SLC36A2: variants seen among roughly 807,000 people sequenced by gnomAD.
The protein encoded by SLC36A2 is solute carrier family 36 member 2, also known as proton-coupled amino acid transporter 2.
Under a neutral mutation model 42.7 loss-of-function variants are expected in SLC36A2, and 39 were observed. The observed-to-expected ratio is 0.91, with a 90% confidence interval of 0.71 to 1.19. The LOEUF is 1.19. Among genes scored for constraint, SLC36A2 ranks in the 50% most tolerant of loss-of-function variants. The pLI, the probability that SLC36A2 is intolerant of heterozygous loss-of-function variation, is 0.00. For missense variants in SLC36A2, 590 were observed against 613.7 expected (o/e 0.96, Z 0.41); for synonymous variants, 237 against 240.8 (o/e 0.98, Z 0.15).
At chr5:151,339,493 A>G (rs1028886628) in intron 4 of SLC36A2, among the ~76,000 whole-genome samples, 3 of 152,126 alleles carry the variant, frequency 2.0e-5, no homozygotes, top group African/African-American at 7.2e-5. Flanking sequence ...TATTTTTGGT[A>G]GAGACAAGGT....
intron 6 of SLC36A2, among the ~76,000 whole-genome samples, chr5:151,334,437 C>T (rs1231972120): frequency 6.6e-6 from 1 of 151,604 alleles, no homozygotes; most frequent in East Asian, 1.9e-4. Flanking sequence ...TGCCTGTAAT[C>T]TCAGCACTTT....
chr5:151,337,510 TAATAAATGCAGATGATA>T (rs1453599092), intron 5 of SLC36A2, among the ~76,000 whole-genome samples: 4 of 152,198 alleles, frequency 2.6e-5, no homozygotes, highest in Admixed American at 1.3e-4. Context: ...TTTGCCTTGA[TAATAAATGCAGATGATA>T]AATAAATGCA....
At position 151,316,889 on chromosome 5, in the gene SLC36A2, G is replaced by T. The variant is rs150719926; in HGVS notation, c.1380C>A (p.Tyr460Ter). 1 of 1,614,048 alleles carries T rather than the reference G, an allele frequency of 6.2e-7. No homozygotes were observed. The highest frequency in any genetic ancestry group is 8.5e-7 in the Non-Finnish European group (1 of 1,180,022). The change falls in exon 10 of 10, where the codon TAC becomes TAA. Residue 460 changes from tyrosine to a stop codon, truncating the protein, a stop_gained. Transcript: ENST00000335244. LOFTEE classifies it low-confidence loss of function (END_TRUNC). The part of the protein sequence containing the change: ...LGFVGFVVGT[Y>*]QALDELLKSE... Reference sequence around the variant, plus strand: ...ACTTGAGCAGCTCGTCCAGGGCCTGGTAGGTCCCCACCACAAAGCCCACGA... The same window carrying T: ...ACTTGAGCAGCTCGTCCAGGGCCTGTTAGGTCCCCACCACAAAGCCCACGA...
At chr5:151,323,094 G>A (rs1755742915) in intron 8 of SLC36A2, among the ~76,000 whole-genome samples, 2 of 152,054 alleles carry the variant, frequency 1.3e-5, no homozygotes, top group African/African-American at 2.4e-5. Context: ...AATTACCCAC[G>A]TGTGGTGGTG....
In SLC36A2 at chr5:151,325,355, G is replaced by T. The variant is rs766086527; in HGVS notation, c.941C>A (p.Ala314Glu). The T allele has an allele frequency of 2.5e-6, 4 of 1,614,118 alleles. No homozygotes were observed. The highest frequency in any genetic ancestry group is 2.5e-6 in the Non-Finnish European group (3 of 1,180,020). The change falls in exon 8 of 10, where the codon GCG becomes GAG. Residue 314 changes from alanine to glutamate, a missense_variant. Ala to Glu is a moderately radical substitution (Grantham distance 107, BLOSUM62 -1). Coordinates refer to ENST00000335244, the MANE Select transcript of SLC36A2 (RefSeq NM_181776.3). ...TCCAAACCGCAGGTAGCCCAGAGCC[G>T]CCATGCCAATGTATAGGGAAGTGAC... ...SIVTSLYIGMAALGYLRFGDD... is the reference protein window; with the variant it reads ...SIVTSLYIGMEALGYLRFGDD...
At chr5:151,340,199 G>A (rs1395017939) in intron 4 of SLC36A2, among the ~76,000 whole-genome samples, 1 of 136,892 alleles carries the variant, frequency 7.3e-6, no homozygotes, top group African/African-American at 2.8e-5. Flanking sequence ...GGTGGAGGAG[G>A]AGGAGAGGAG....
intron 7 of SLC36A2, among the ~76,000 whole-genome samples, chr5:151,330,553 T>C (rs2127292313): frequency 6.6e-6 from 1 of 152,344 alleles, no homozygotes; most frequent in East Asian, 1.9e-4. Context: ...TTAATGAAGG[T>C]TCTTCATGCT....
chr5:151,335,568 GCAA>G, intron 5 of SLC36A2, 21 bp from the exon 6 acceptor site: 8 of 1,542,788 alleles, frequency 5.2e-6, no homozygotes. Context: ...AATGGGAGAG[GCAA>G]AAGGGGGAGA....
At chr5:151,322,449 A>G (rs1197142049) in intron 8 of SLC36A2, among the ~76,000 whole-genome samples, 2 of 152,242 alleles carry the variant, frequency 1.3e-5, no homozygotes, top group African/African-American at 4.8e-5. Context: ...TAAATGAAAT[A>G]AAAACCATCT....
At chr5:151,333,346 A>G in intron 6 of SLC36A2, 24 bp from the exon 7 acceptor site, 1 of 1,593,528 alleles carries the variant, frequency 6.3e-7, no homozygotes, top group Non-Finnish European at 8.6e-7. Context: ...AAATGCTATG[A>G]GACAGTCACT....
At chr5:151,339,180 TATAAA>T (rs1756248086) in intron 4 of SLC36A2, 36 bp from the exon 5 acceptor site, 3 of 1,524,990 alleles carry the variant, frequency 2.0e-6, no homozygotes, top group Non-Finnish European at 2.7e-6. Flanking sequence ...GAAAACTTGT[TATAAA>T]ATAAGTCAAC....
rs566703708 is a variant in SLC36A2, at chr5:151,334,082, C to T, written c.745-760G>A. Among the ~76,000 whole-genome samples, 10 of 152,124 alleles carry T rather than the reference C, an allele frequency of 6.6e-5. No homozygotes were observed. The South Asian group carries it at 2.1e-3, about 32-fold the overall frequency. On this transcript the variant is annotated intron_variant, in intron 6 of 9. Coordinates refer to ENST00000335244, the MANE Select transcript of SLC36A2 (RefSeq NM_181776.3). The stretch of plus-strand genomic sequence containing the variant: ...TGTGTAGAATAAATATTCTATATAC[C>T]TTGTGACCCAGAATGTGAAAATGAT...
At chr5:151,328,768 T>C (rs1580850624) in intron 7 of SLC36A2, among the ~76,000 whole-genome samples, 1 of 152,106 alleles carries the variant, frequency 6.6e-6, no homozygotes, top group Non-Finnish European at 1.5e-5. Flanking sequence ...AAATGCAGGG[T>C]TCCTTGGTGA....
At chr5:151,333,902 C>T (rs187163999) in intron 6 of SLC36A2, among the ~76,000 whole-genome samples, 20 of 152,274 alleles carry the variant, frequency 1.3e-4, no homozygotes, top group African/African-American at 3.8e-4. Context: ...ACTGACCCAA[C>T]GAGCCCACGA....
At chr5:151,333,676 A>G (rs1290391309) in intron 6 of SLC36A2, among the ~76,000 whole-genome samples, 1 of 152,188 alleles carries the variant, frequency 6.6e-6, no homozygotes, top group African/African-American at 2.4e-5. Context: ...AGCCTGGCCA[A>G]CATGGTGAAA....
chr5:151,333,156 C>G, intron 7 of SLC36A2, 68 bp downstream of exon 7: 1 of 1,386,936 alleles, frequency 7.2e-7, no homozygotes, highest in Non-Finnish European at 1.0e-6. Context: ...AAACCCAGAG[C>G]TCACAGTTCC....
chr5:151,331,620 G>A (rs932706458), intron 7 of SLC36A2, among the ~76,000 whole-genome samples: 1 of 151,918 alleles, frequency 6.6e-6, no homozygotes, highest in Non-Finnish European at 1.5e-5. Flanking sequence ...ATCTAGACAT[G>A]ACCCTAGATT....
chr5:151,340,110 G>A (rs1236915712), intron 4 of SLC36A2, among the ~76,000 whole-genome samples: 1 of 131,818 alleles, frequency 7.6e-6, no homozygotes, highest in Admixed American at 6.8e-5. Flanking sequence ...AGAAGGAGGA[G>A]GAAGAAGAGG....
At position 151,315,703 on chromosome 5, in the gene SLC36A2, C is replaced by G. The variant is rs1278500303; in HGVS notation, c.*1114G>C. The G allele has an allele frequency of 1.3e-5, 2 of 152,214 alleles. No homozygotes were observed. The highest frequency in any genetic ancestry group is 2.9e-5 in the Non-Finnish European group (2 of 68,038). 9.4% of individuals were successfully genotyped at this position (152,214 alleles called of 1,614,324 possible). A position where few individuals can be genotyped will look rare whatever the true frequency, so the allele number is the denominator to read the frequency against. ...GATACAGATACAGACTTCATCTTTTCATAGGAGCAGGTGCAAAGTCACATT... is the reference window on the plus strand; with the variant it reads ...GATACAGATACAGACTTCATCTTTTGATAGGAGCAGGTGCAAAGTCACATT... On this transcript the variant is annotated 3_prime_UTR_variant, in exon 10 of 10. Coordinates refer to ENST00000335244, the MANE Select transcript of SLC36A2 (RefSeq NM_181776.3).
Sources: allele counts gnomAD v4.1 joint callset (sites outside exome capture counted in the v4.1 genomes callset), GRCh38; gene constraint gnomAD v4.1.1; transcripts MANE v1.5; gene names NCBI Gene and HGNC (gene_info 2026-07-23, HGNC 2026-07-21).